RNF38: variants seen among roughly 807,000 people sequenced by gnomAD.
RNF38 encodes the protein E3 ubiquitin-protein ligase RNF38.
A neutral mutation model predicts 67.2 loss-of-function variants in RNF38; 15 were observed. The ratio of observed to expected loss-of-function variants is 0.22; its 90% CI spans 0.15 to 0.34. RNF38 has a LOEUF of 0.34. Among genes scored for constraint, RNF38 ranks in the 10% least tolerant of loss-of-function variants. RNF38 has a pLI of 1.00. For missense variants in RNF38, 524 were observed against 639.9 expected, an observed-to-expected ratio of 0.82 and a Z score of 1.95; for synonymous variants, 220 against 218.8, an observed-to-expected ratio of 1.01 and a Z score of -0.05.
chr9:36,471,134 T>C (rs954465729), intron 1 of RNF38, among the ~76,000 whole-genome samples: 4 of 152,214 alleles, frequency 2.6e-5, no homozygotes, highest in Admixed American at 1.3e-4. Flanking sequence ...CTACCAGGCT[T>C]CCGCCCCGCC....
At chr9:36,420,838 G>A (rs1481490418) in intron 2 of RNF38, among the ~76,000 whole-genome samples, 1 of 152,076 alleles carries the variant, frequency 6.6e-6, no homozygotes, top group Non-Finnish European at 1.5e-5. Flanking sequence ...GCAAATTGCT[G>A]TGCCCAATAT....
chr9:36,367,178 T>G (rs1835038187), intron 4 of RNF38, among the ~76,000 whole-genome samples: 1 of 152,186 alleles, frequency 6.6e-6, no homozygotes. Context: ...AGTCCAGGTT[T>G]GCTCAAATGA....
At chr9:36,456,003 C>T (rs1177851059) in intron 1 of RNF38, among the ~76,000 whole-genome samples, 3 of 152,094 alleles carry the variant, frequency 2.0e-5, no homozygotes, top group African/African-American at 7.2e-5. Flanking sequence ...GGTAGCCTTC[C>T]CATTTCTTTC....
intron 7 of RNF38, 39 bp from the exon 8 acceptor site, chr9:36,352,887 C>G: frequency 7.3e-7 from 1 of 1,379,086 alleles, no homozygotes; most frequent in Non-Finnish European, 1.0e-6. Context: ...AATCACTCTA[C>G]GTTTACAAAT....
intron 2 of RNF38, among the ~76,000 whole-genome samples, chr9:36,414,967 T>C (rs1287795613): frequency 1.3e-5 from 2 of 152,200 alleles, no homozygotes; most frequent in Non-Finnish European, 2.9e-5. Context: ...CCCTAACAGT[T>C]CTTAAGGTTC....
At chr9:36,390,377 G>T in intron 2 of RNF38, 90 bp downstream of exon 2, 2 of 1,073,040 alleles carry the variant, frequency 1.9e-6, no homozygotes, top group Non-Finnish European at 2.6e-6. Flanking sequence ...ACAAGGAGAC[G>T]ATATTGGGCA....
intron 11 of RNF38, among the ~76,000 whole-genome samples, chr9:36,341,800 A>C (rs1832855235): frequency 2.8e-5 from 2 of 72,516 alleles, no homozygotes; most frequent in Non-Finnish European, 5.0e-5. Flanking sequence ...CAAAATATAT[A>C]TATATATATA....
chr9:36,343,756 A>G (rs1833016712), intron 10 of RNF38, among the ~76,000 whole-genome samples: 1 of 152,184 alleles, frequency 6.6e-6, no homozygotes, highest in South Asian at 2.1e-4. Flanking sequence ...AAAAGCTACA[A>G]TATAGAAAAA....
intron 1 of RNF38, among the ~76,000 whole-genome samples, chr9:36,468,831 A>C (rs1839926776): frequency 6.6e-6 from 1 of 151,676 alleles, no homozygotes; most frequent in Admixed American, 6.6e-5. Context: ...AAAAAAAATT[A>C]GGCCAGGCAC....
intron 1 of RNF38, among the ~76,000 whole-genome samples, chr9:36,478,615 C>T (rs1210297649): frequency 2.0e-5 from 3 of 150,908 alleles, no homozygotes; most frequent in African/African-American, 7.3e-5. Flanking sequence ...GTCAGGAGTT[C>T]GAGACCAGCC....
intron 2 of RNF38, among the ~76,000 whole-genome samples, chr9:36,381,734 C>G (rs751491511): frequency 6.6e-6 from 1 of 152,176 alleles, no homozygotes; most frequent in Non-Finnish European, 1.5e-5. Flanking sequence ...TGTGTCTTTT[C>G]GGTTTGAAAC....
intron 1 of RNF38, among the ~76,000 whole-genome samples, chr9:36,458,229 C>G (rs1371446056): frequency 2.0e-5 from 3 of 152,186 alleles, no homozygotes; most frequent in Non-Finnish European, 4.4e-5. Context: ...ATGCACCAAT[C>G]AGCGCTCTGT....
chr9:36,376,763 TA>T (rs1835817330), intron 2 of RNF38, among the ~76,000 whole-genome samples: 13 of 151,844 alleles, frequency 8.6e-5, no homozygotes, highest in Admixed American at 8.5e-4. Flanking sequence ...CCGTCTCTAC[TA>T]AAAACACAAA....
chr9:36,464,845 A>C (rs1322020140), intron 1 of RNF38, among the ~76,000 whole-genome samples: 1 of 152,210 alleles, frequency 6.6e-6, no homozygotes, highest in Non-Finnish European at 1.5e-5. Context: ...AGATAACATA[A>C]AATTCCAGAT....
At chr9:36,396,030 T>C (rs1837485040) in intron 1 of RNF38, among the ~76,000 whole-genome samples, 1 of 152,144 alleles carries the variant, frequency 6.6e-6, no homozygotes, top group Non-Finnish European at 1.5e-5. Context: ...AAAGATTAAA[T>C]AGAGCAGCCA....
chr9:36,453,642 C>CA (rs897153851), intron 1 of RNF38, among the ~76,000 whole-genome samples: 1 of 152,092 alleles, frequency 6.6e-6, no homozygotes, highest in African/African-American at 2.4e-5. Flanking sequence ...CTTGGCCTCC[C>CA]AAAGTGCTGG....
chr9:36,398,378 G>C (rs1382726554), intron 1 of RNF38, among the ~76,000 whole-genome samples: 2 of 151,804 alleles, frequency 1.3e-5, no homozygotes, highest in Non-Finnish European at 2.9e-5. Context: ...AGTCCAGAAG[G>C]GACAACATAG....
intron 1 of RNF38, among the ~76,000 whole-genome samples, chr9:36,434,307 AGGAGGG>A (rs1037922452): frequency 7.5e-5 from 5 of 66,934 alleles, no homozygotes; most frequent in Non-Finnish European, 1.1e-4. Flanking sequence ...GGAGAGGAGC[AGGAGGG>A]GGAGGGGGAT....
At chr9:36,456,249 G>T (rs1284916491) in intron 1 of RNF38, among the ~76,000 whole-genome samples, 4 of 152,068 alleles carry the variant, frequency 2.6e-5, no homozygotes, top group African/African-American at 7.2e-5. Context: ...GTAGAAACGG[G>T]TTTCACCATG....
Sources: gnomAD v4.1 joint callset for allele counts (sites outside exome capture counted in the v4.1 genomes callset) on GRCh38, gnomAD v4.1.1 for gene constraint, MANE v1.5 for transcripts, NCBI Gene and HGNC (gene_info 2026-07-23, HGNC 2026-07-21) for gene names.